Variants in TRIM56 observed in about 807,000 individuals in gnomAD.
TRIM56 encodes the protein tripartite motif containing 56.
In TRIM56, 10 loss-of-function variants were observed where a neutral mutation model predicts 17.1. That is an observed-to-expected ratio of 0.58 (90% CI 0.36 to 0.99). The LOEUF is 0.99. TRIM56 is among the 50% of genes least tolerant of loss of function. TRIM56 has a pLI of 0.01. For missense variants in TRIM56, 923 were observed against 1,052.3 expected (o/e 0.88, Z 1.70); for synonymous variants, 503 against 473.5 (o/e 1.06, Z -0.81).
chr7:101,087,775 G>A lies in TRIM56; in HGVS notation c.463G>A (p.Gly155Arg), dbSNP rs1401771086. The A allele has an allele frequency of 1.2e-6, 2 of 1,606,714 alleles. No homozygotes were observed. Among genetic ancestry groups the A allele is most frequent in the Admixed American group, 1.7e-5 (1 of 59,694 alleles). Residue 155 changes from glycine (G) to arginine (R), a missense_variant, in exon 3 of 3, where the codon GGG (glycine) becomes AGG (arginine). Gly to Arg is a moderately radical substitution (Grantham distance 125). Around this residue, in one of 3 missense-constraint regions of TRIM56, gnomAD observed 643 missense variants for 665.6 expected, o/e 0.97. Transcript: ENST00000306085. ...RVVDLVGYRA[G>R]WYDEEARERQ... Reference sequence around the variant, plus strand: ...GGTGGACCTGGTGGGCTACAGGGCCGGGTGGTATGATGAGGAGGCCCGGGA... The same window carrying A: ...GGTGGACCTGGTGGGCTACAGGGCCAGGTGGTATGATGAGGAGGCCCGGGA...
Position 101,097,594 on chromosome 7 carries a change from C to G in TRIM56, c.*8014C>G, listed in dbSNP as rs912117188. 2 of 152,172 alleles carry G rather than the reference C, an allele frequency of 1.3e-5. No homozygotes were observed. Among genetic ancestry groups the G allele is most frequent in the African/African-American group, 4.8e-5 (2 of 41,414 alleles). 9.4% of individuals were successfully genotyped at this position (152,172 alleles called of 1,614,324 possible). On this transcript the variant is annotated 3_prime_UTR_variant, in exon 3 of 3. Coordinates refer to ENST00000306085, the MANE Select transcript of TRIM56 (RefSeq NM_030961.3). ...ATCAGACTAGATCTCACCTGAGGTG[C>G]TGGGTGAGAAATCTTAGGGACCAGA...
rs753054148 is a variant in TRIM56 at position 101,088,013 on chromosome 7, G to A, written c.701G>A (p.Arg234Gln). Residue 234 changes from arginine (R) to glutamine (Q), a missense_variant, in exon 3 of 3, where the codon CGG (arginine) becomes CAG (glutamine). Coordinates refer to ENST00000306085, the MANE Select transcript of TRIM56 (RefSeq NM_030961.3). ...DNNLVELEAARRVEKEALARL... is the reference protein window; with the variant it reads ...DNNLVELEAAQRVEKEALARL... ...AACCTGGTGGAGCTGGAGGCAGCGC[G>A]GAGGGTGGAGAAGGAGGCGCTAGCC... 22 of 1,573,744 alleles carry A rather than the reference G, an allele frequency of 1.4e-5. No homozygotes were observed. The highest frequency in any genetic ancestry group is 3.4e-5 in the South Asian group (3 of 87,730).
chr7:101,089,492 T>A lies in TRIM56; in HGVS notation c.2180T>A (p.Val727Asp). 1 of 1,614,194 alleles carries A rather than the reference T, an allele frequency of 6.2e-7. No homozygotes were observed. The highest frequency in any genetic ancestry group is 8.5e-7 in the Non-Finnish European group (1 of 1,180,030). Reference sequence around the variant, plus strand: ...TACCACGGCCTGGAAAAGCCCCGGGTTACCACCATGGTGGATGGCAGGTAC... The same window carrying A: ...TACCACGGCCTGGAAAAGCCCCGGGATACCACCATGGTGGATGGCAGGTAC... ...TAYHGLEKPR[V>D]TTMVDGRYLV... The change falls in exon 3 of 3, where the codon GTT (valine) becomes GAT (aspartate). Residue 727 changes from valine to aspartate, a missense_variant. Around this residue, in one of 3 missense-constraint regions of TRIM56, gnomAD observed 182 missense variants for 243.1 expected, o/e 0.75. Transcript: ENST00000306085.
Position 101,089,684 on chromosome 7 carries a change from G to C in TRIM56, c.*104G>C. ...CCGAGGACATTTTCCTGAAGGGCAGGGGTTGGCAACTTTTCAACATGGAGT... is the reference window on the plus strand; with the variant it reads ...CCGAGGACATTTTCCTGAAGGGCAGCGGTTGGCAACTTTTCAACATGGAGT... On this transcript the variant is annotated 3_prime_UTR_variant, in exon 3 of 3. Coordinates refer to ENST00000306085, the MANE Select transcript of TRIM56 (RefSeq NM_030961.3). 1 of 1,187,958 alleles carries C rather than the reference G, an allele frequency of 8.4e-7. No homozygotes were observed. The allele number at this position is 1,187,958 out of a possible 1,614,324, so 73.6% of individuals were successfully genotyped here. A position where few individuals can be genotyped will look rare whatever the true frequency, so the allele number is the denominator to read the frequency against.
rs1015735147 is a variant in TRIM56, at chr7:101,087,116, G to A, written c.-54G>A. 12 of 613,666 alleles carry A rather than the reference G, an allele frequency of 2.0e-5. No homozygotes were observed. The highest frequency in any genetic ancestry group is 6.2e-5 in the South Asian group (3 of 48,350). The allele number at this position is 613,666 out of a possible 1,614,324, so 38.0% of individuals were successfully genotyped here. A position where few individuals can be genotyped will look rare whatever the true frequency, so the allele number is the denominator to read the frequency against. On this transcript the variant is annotated 5_prime_UTR_variant, in exon 2 of 3. Coordinates refer to ENST00000306085, the MANE Select transcript of TRIM56 (RefSeq NM_030961.3). ...GGAGGAGGGCAGCTCCTTAGCTCAA[G>A]AGCAAGTGGCCCAAGGCCTCAGAAG...
At position 101,090,758 on chromosome 7, in the gene TRIM56, TCCACGCAG is replaced by T. The variant is rs1795550244; in HGVS notation, c.*1184_*1191del. 6.6e-6 allele frequency: 1 copy of T among 151,876 alleles called. No individual in the cohort carries two copies. Among genetic ancestry groups the T allele is most frequent in the Non-Finnish European group, 1.5e-5 (1 of 68,012 alleles). The allele number at this position is 151,876 out of a possible 1,614,324, so 9.4% of individuals were successfully genotyped here. On this transcript the variant is annotated 3_prime_UTR_variant, in exon 3 of 3. Coordinates refer to ENST00000306085, the MANE Select transcript of TRIM56 (RefSeq NM_030961.3). ...TATGAGTGTCAGAGCAGGGGAGCCC[TCCACGCAG>T]CCACGGAGCCAGTCTGAGGGAAGAG... is the stretch of plus-strand genomic sequence containing the variant.
chr7:101,086,551 ACT>A (rs1339952331), intron 1 of TRIM56, among the ~76,000 whole-genome samples: 4 of 124,470 alleles, frequency 3.2e-5, no homozygotes, highest in African/African-American at 6.6e-5. Flanking sequence ...ACAGAGTGAG[ACT>A]CTGTCTCAAA....
rs771670049 is a variant in TRIM56 at position 101,089,164 on chromosome 7, G to A, written c.1852G>A (p.Gly618Ser). 1 of 1,611,726 alleles carries A rather than the reference G, an allele frequency of 6.2e-7. No individual in the cohort carries two copies. The highest frequency in any genetic ancestry group is 8.5e-7 in the Non-Finnish European group (1 of 1,179,630). The change falls in exon 3 of 3, where the codon GGC becomes AGC. Residue 618 changes from glycine to serine, a missense_variant. Around this residue, in one of 3 missense-constraint regions of TRIM56, gnomAD observed 182 missense variants for 243.1 expected, o/e 0.75. Coordinates refer to ENST00000306085, the MANE Select transcript of TRIM56 (RefSeq NM_030961.3). ...CCACGTGGAGGTGTACAATATGGAA[G>A]GCAGCCTGGCCACCCGGTTCATTCC... ...AGHVEVYNME[G>S]SLATRFIPGG...
In TRIM56 at chr7:101,088,694, A is replaced by T; in HGVS notation, c.1382A>T (p.Lys461Ile). Residue 461 changes from lysine to isoleucine, a missense_variant, in exon 3 of 3, where the codon AAA (lysine) becomes ATA (isoleucine). This residue lies in a region of TRIM56 where 643 missense variants were observed against 665.6 expected (regional missense o/e 0.97). Coordinates refer to ENST00000306085, the MANE Select transcript of TRIM56 (RefSeq NM_030961.3). ...PHRGGRPNKK[K>I]KFKGRLKSIS... ...AGGGGTGGCAGACCCAACAAGAAGA[A>T]AAAGTTCAAAGGCAGGCTCAAGTCA... is the stretch of plus-strand genomic sequence containing the variant. 6.2e-7 allele frequency: 1 copy of T among 1,613,990 alleles called. No individual in the cohort carries two copies. The highest frequency in any genetic ancestry group is 1.7e-5 in the Admixed American group (1 of 60,008).
chr7:101,090,021 G>C lies in TRIM56; in HGVS notation c.*441G>C, dbSNP rs1441447531. 1 of 171,874 alleles carries C rather than the reference G, an allele frequency of 5.8e-6. No individual in the cohort carries two copies. The highest frequency in any genetic ancestry group is 1.4e-5 in the Non-Finnish European group (1 of 71,378). 10.6% of individuals were successfully genotyped at this position (171,874 alleles called of 1,614,324 possible). ...CACTGTGGAACAGAGCTGAGACCCC[G>C]GCCCCCCTTGGACTGGCACAGGGTC... On this transcript the variant is annotated 3_prime_UTR_variant, in exon 3 of 3. Coordinates refer to ENST00000306085, the MANE Select transcript of TRIM56 (RefSeq NM_030961.3).
rs1480534463 is a variant in TRIM56 at position 101,094,770 on chromosome 7, C to G, written c.*5190C>G. On this transcript the variant is annotated 3_prime_UTR_variant, in exon 3 of 3. Coordinates refer to ENST00000306085, the MANE Select transcript of TRIM56 (RefSeq NM_030961.3). ...CAAATAACTCAGACCAACTGGAAAC[C>G]AAGTGGAGTTTCTACAGGACCAACT... 7.6e-6 allele frequency: 1 copy of G among 131,610 alleles called. No homozygotes were observed. Among genetic ancestry groups the G allele is most frequent in the African/African-American group, 3.0e-5 (1 of 33,712 alleles). The allele number at this position is 131,610 out of a possible 1,614,324, so 8.2% of individuals were successfully genotyped here. A position where few individuals can be genotyped will look rare whatever the true frequency, so the allele number is the denominator to read the frequency against.
Position 101,089,712 on chromosome 7 carries a change from C to A in TRIM56, c.*132C>A. 1.2e-6 allele frequency: 1 copy of A among 814,976 alleles called. No homozygotes were observed. Among genetic ancestry groups the A allele is most frequent in the Non-Finnish European group, 1.9e-6 (1 of 519,106 alleles). 50.5% of individuals were successfully genotyped at this position (814,976 alleles called of 1,614,324 possible). A position where few individuals can be genotyped will look rare whatever the true frequency, so the allele number is the denominator to read the frequency against. On this transcript the variant is annotated 3_prime_UTR_variant, in exon 3 of 3. Transcript: ENST00000306085. ...TTGGCAACTTTTCAACATGGAGTGC[C>A]AAACTGCTAACCCGTCTTCTAGTGT...
In TRIM56 at chr7:101,088,860, C is replaced by G; in HGVS notation, c.1548C>G (p.Phe516Leu). The change falls in exon 3 of 3, where the codon TTC (phenylalanine) becomes TTG (leucine). Residue 516 changes from phenylalanine to leucine, a missense_variant. Coordinates refer to ENST00000306085, the MANE Select transcript of TRIM56 (RefSeq NM_030961.3). ...CCCGGATCACCGGGCTCTGTCCCTT[C>G]GGTCCCCGGGAGATCCTGGTGGCGG... ...RSPRITGLCP[F>L]GPREILVADE... 1 of 1,613,856 alleles carries G rather than the reference C, an allele frequency of 6.2e-7. No individual in the cohort carries two copies. The highest frequency in any genetic ancestry group is 8.5e-7 in the Non-Finnish European group (1 of 1,180,036).
At position 101,087,684 on chromosome 7, in the gene TRIM56, C is replaced by G. The variant is rs751508578; in HGVS notation, c.372C>G (p.Ala124=). ...CCACGGCCCGGTGCCTGGACTGTGC[C>G]GATGACTTGTGCCAGGCCTGTGCCG... is the stretch of plus-strand genomic sequence containing the variant. ...GPATARCLDC[A]DDLCQACADG... is the part of the protein sequence containing the mutation. Residue 124 remains alanine (A), a synonymous_variant, in exon 3 of 3, where the codon GCC becomes GCG. Coordinates refer to ENST00000306085, the MANE Select transcript of TRIM56 (RefSeq NM_030961.3). 1.1e-5 allele frequency: 18 copies of G among 1,593,926 alleles called. No individual in the cohort carries two copies. Among genetic ancestry groups the G allele is most frequent in the African/African-American group, 1.3e-5 (1 of 74,506 alleles).
Position 101,088,312 on chromosome 7 carries a change from C to G in TRIM56, c.1000C>G (p.Gln334Glu), listed in dbSNP as rs1795491449. 4.6e-6 allele frequency: 7 copies of G among 1,526,324 alleles called. No individual in the cohort carries two copies. The highest frequency in any genetic ancestry group is 2.1e-5 in the Admixed American group (1 of 47,196). 94.5% of individuals were successfully genotyped at this position (1,526,324 alleles called of 1,614,324 possible). The change falls in exon 3 of 3, where the codon CAG (glutamine) becomes GAG (glutamate). Residue 334 changes from glutamine (Q) to glutamate (E), a missense_variant. By Grantham distance (29) the Gln-to-Glu change is conservative. Coordinates refer to ENST00000306085, the MANE Select transcript of TRIM56 (RefSeq NM_030961.3). ...AGGGGCGATCGCACAGCGGCTCAGG[C>G]AGCTGCAGGGCTGCCCCTGGGCACC... The part of the protein sequence containing the change: ...LEGAIAQRLR[Q>E]LQGCPWAPGP...
Position 101,088,245 on chromosome 7 carries a change from G to T in TRIM56, c.933G>T (p.Arg311=). The part of the protein sequence containing the change: ...VARAAAAFAR[R]VLSLGREAEI... ...GGGCCGCAGCCGCCTTCGCCCGCCG[G>T]GTACTCAGCCTGGGGCGAGAGGCCG... The change falls in exon 3 of 3, where the codon CGG becomes CGT. Residue 311 remains arginine, a synonymous_variant. Coordinates refer to ENST00000306085, the MANE Select transcript of TRIM56 (RefSeq NM_030961.3). 1 of 1,477,980 alleles carries T rather than the reference G, an allele frequency of 6.8e-7. No individual in the cohort carries two copies. The highest frequency in any genetic ancestry group is 1.4e-5 in the South Asian group (1 of 73,426). 91.6% of individuals were successfully genotyped at this position (1,477,980 alleles called of 1,614,324 possible). A position where few individuals can be genotyped will look rare whatever the true frequency, so the allele number is the denominator to read the frequency against.
chr7:101,089,640 T>C lies in TRIM56; in HGVS notation c.*60T>C. On this transcript the variant is annotated 3_prime_UTR_variant, in exon 3 of 3. Transcript: ENST00000306085. Reference sequence around the variant, plus strand: ...GGAGAGGGCAGGAAGGAGGCAGAGCTGTCCGTGGGAGGTGGAGGCCGAGGA... The same window carrying C: ...GGAGAGGGCAGGAAGGAGGCAGAGCCGTCCGTGGGAGGTGGAGGCCGAGGA... The C allele has an allele frequency of 6.7e-7, 1 of 1,485,030 alleles. No individual in the cohort carries two copies. Among genetic ancestry groups the C allele is most frequent in the African/African-American group, 1.4e-5 (1 of 71,536 alleles). The allele number at this position is 1,485,030 out of a possible 1,614,324, so 92.0% of individuals were successfully genotyped here.
In TRIM56 at chr7:101,087,059, G is replaced by T. The variant is rs147817608; in HGVS notation, c.-111G>T. ...ACTGACATTTTTACGTTTGCTGGAT[G>T]TACACACGGAAGTGGAGGAGGAGGA... is the stretch of plus-strand genomic sequence containing the variant. On this transcript the variant is annotated 5_prime_UTR_variant, in exon 2 of 3. An upstream start codon of the reference 5' UTR is lost. Coordinates refer to ENST00000306085, the MANE Select transcript of TRIM56 (RefSeq NM_030961.3). The T allele has an allele frequency of 3.3e-3, 1,747 of 522,002 alleles. 28 individuals carry two copies. The highest frequency in any genetic ancestry group is 0.031 in the African/African-American group (1,620 of 52,502). 32.3% of individuals were successfully genotyped at this position (522,002 alleles called of 1,614,324 possible).
rs1390833783 is a variant in TRIM56 at position 101,096,879 on chromosome 7, T to G, written c.*7299T>G. 1 of 152,184 alleles carries G rather than the reference T, an allele frequency of 6.6e-6. No individual in the cohort carries two copies. The highest frequency in any genetic ancestry group is 1.9e-4 in the East Asian group (1 of 5,194). 9.4% of individuals were successfully genotyped at this position (152,184 alleles called of 1,614,324 possible). ...TGACTTCAGGAATAGAAGGGACCAA[T>G]GGCCAGCTTGCTGAAATGTAATGCC... On this transcript the variant is annotated 3_prime_UTR_variant, in exon 3 of 3. Transcript: ENST00000306085.
Sources: allele counts gnomAD v4.1 joint callset (sites outside exome capture counted in the v4.1 genomes callset), GRCh38; gene constraint gnomAD v4.1.1; regional missense constraint gnomAD v4.1.1; transcripts MANE v1.5; gene names NCBI Gene and HGNC (gene_info 2026-07-23, HGNC 2026-07-21).